The following USP49 variants were observed in gnomAD, a reference collection of about 807,000 sequenced individuals.
The protein encoded by USP49 is ubiquitin carboxyl-terminal hydrolase 49.
In USP49, 24 loss-of-function variants were observed where a neutral mutation model predicts 58.6. The ratio of observed to expected loss-of-function variants is 0.41; its 90% CI spans 0.30 to 0.58. The LOEUF is 0.58. Among genes scored for constraint, USP49 ranks in the 20% least tolerant of loss-of-function variants. The probability of loss-of-function intolerance (pLI) is 0.30; values close to 1 mark genes in which losing one functional copy is unlikely to be tolerated. For synonymous variants in USP49, 408 were observed against 365.1 expected (o/e 1.12, Z -1.34); for missense variants, 703 against 866.1 (o/e 0.81, Z 2.36).
chr6:41,862,763 A>G (rs557777316), intron 3 of USP49, among the ~76,000 whole-genome samples: 1 of 152,146 alleles, frequency 6.6e-6, no homozygotes, highest in South Asian at 2.1e-4. Context: ...TTCACACTTA[A>G]TATTTATTTT....
intron 3 of USP49, among the ~76,000 whole-genome samples, chr6:41,858,887 C>T (rs1438149293): frequency 6.6e-6 from 1 of 152,160 alleles, no homozygotes; most frequent in Non-Finnish European, 1.5e-5. Flanking sequence ...TCATTCTCCC[C>T]ACTAGACGAT....
intron 3 of USP49, among the ~76,000 whole-genome samples, chr6:41,855,459 G>A (rs1774111912): frequency 6.6e-6 from 1 of 150,802 alleles, no homozygotes; most frequent in African/African-American, 2.4e-5. Context: ...AGGTTACAAT[G>A]AGCCGAGATC....
rs1454732244 is a variant in USP49, at chr6:41,805,899, T to A, written c.1085A>T (p.His362Leu). The A allele has an allele frequency of 1.2e-6, 2 of 1,613,870 alleles. No homozygotes were observed. The highest frequency in any genetic ancestry group is 1.7e-6 in the Non-Finnish European group (2 of 1,180,024). The change falls in exon 4 of 8, where the codon CAC (histidine) becomes CTC (leucine). Residue 362 changes from histidine to leucine, a missense_variant. By Grantham distance (99) the His-to-Leu change is moderately conservative. Around this residue, in one of 6 missense-constraint regions of USP49, gnomAD observed 66 missense variants for 116.0 expected, o/e 0.57. Transcript: ENST00000682992. ...GGACCACATGACTCGGAAGAGGGTGTGCAGTTCACGGCAGAGGGAAATGTG... is the reference window on the plus strand; with the variant it reads ...GGACCACATGACTCGGAAGAGGGTGAGCAGTTCACGGCAGAGGGAAATGTG... ...SKHISLCRELHTLFRVMWSGK... is the reference protein window; with the variant it reads ...SKHISLCRELLTLFRVMWSGK...
At chr6:41,844,624 T>C (rs1035718033) in intron 3 of USP49, among the ~76,000 whole-genome samples, 1 of 152,174 alleles carries the variant, frequency 6.6e-6, no homozygotes, top group Non-Finnish European at 1.5e-5. Flanking sequence ...ATGATGGTTT[T>C]GATCAATTTC....
chr6:41,850,041 G>T (rs997579705), intron 3 of USP49, among the ~76,000 whole-genome samples: 26 of 152,158 alleles, frequency 1.7e-4, no homozygotes, highest in African/African-American at 6.0e-4. Context: ...CACAAGAGAA[G>T]TTAGAAAATA....
chr6:41,802,975 A>G (rs1561902898), intron 5 of USP49, among the ~76,000 whole-genome samples: 1 of 152,246 alleles, frequency 6.6e-6, no homozygotes, highest in Non-Finnish European at 1.5e-5. Flanking sequence ...CCACTGAGCA[A>G]TGCACCTTAA....
intron 3 of USP49, among the ~76,000 whole-genome samples, chr6:41,855,268 A>G (rs982103912): frequency 2.6e-5 from 4 of 151,354 alleles, no homozygotes; most frequent in Non-Finnish European, 5.9e-5. Context: ...TAATCTCAGC[A>G]CTTTGGGAGG....
At chr6:41,830,724 G>C (rs2127341365) in intron 3 of USP49, among the ~76,000 whole-genome samples, 1 of 152,114 alleles carries the variant, frequency 6.6e-6, no homozygotes, top group Admixed American at 6.6e-5. Context: ...TCAGGAGGCT[G>C]AAGCAAGAGA....
chr6:41,806,370 G>C lies in USP49; in HGVS notation c.614C>G (p.Pro205Arg), dbSNP rs781750759. The change falls in exon 4 of 8, where the codon CCG (proline) becomes CGG (arginine). Residue 205 changes from proline (P) to arginine (R), a missense_variant. Around this residue, in one of 6 missense-constraint regions of USP49, gnomAD observed 376 missense variants for 373.5 expected, o/e 1.01. Coordinates refer to ENST00000682992, the MANE Select transcript of USP49 (RefSeq NM_001286554.2). This position sits in a 1 kb window ranked among gnomAD's most constrained non-coding sequence, Gnocchi z 5.9. ...CAGGAGCAGCCGTGCACTCTTGCGCGGAGGGGTGCTGGCCAGCTCCTCCAG... is the reference window on the plus strand; with the variant it reads ...CAGGAGCAGCCGTGCACTCTTGCGCCGAGGGGTGCTGGCCAGCTCCTCCAG... ...RLLEELASTPPRKSARLLLHT... is the reference protein window; with the variant it reads ...RLLEELASTPRRKSARLLLHT... 1 of 1,537,956 alleles carries C rather than the reference G, an allele frequency of 6.5e-7. No individual in the cohort carries two copies. The highest frequency in any genetic ancestry group is 8.7e-7 in the Non-Finnish European group (1 of 1,152,974).
chr6:41,839,248 A>T (rs1317275359), intron 3 of USP49, among the ~76,000 whole-genome samples: 1 of 151,842 alleles, frequency 6.6e-6, no homozygotes, highest in Admixed American at 6.6e-5. Context: ...TCTACAAAAA[A>T]TACAAAAATT....
Position 41,799,979 on chromosome 6 carries a change from GT to G in USP49, c.1562-42del, listed in dbSNP as rs780437098. ...AGGTATAAGACATAGGTTGTGAGGA[GT>G]TTTTTCTAGCTATGGCAGAGACAGT... On this transcript the variant is annotated intron_variant, in intron 5 of 7. Coordinates refer to ENST00000682992, the MANE Select transcript of USP49 (RefSeq NM_001286554.2). 12 of 1,562,646 alleles carry G rather than the reference GT, an allele frequency of 7.7e-6. No homozygotes were observed. The South Asian group carries it at 1.1e-4, about 15-fold the overall frequency.
At chr6:41,818,750 A>G (rs547374381) in intron 3 of USP49, among the ~76,000 whole-genome samples, 15 of 152,344 alleles carry the variant, frequency 9.8e-5, no homozygotes, top group Admixed American at 9.8e-4. Flanking sequence ...CTCACAGGCC[A>G]GAATTTTTCT....
Position 41,793,269 on chromosome 6 carries a change from G to GT in USP49, c.*3263dup, listed in dbSNP as rs573593165. On this transcript the variant is annotated 3_prime_UTR_variant, in exon 8 of 8. Coordinates refer to ENST00000682992, the MANE Select transcript of USP49 (RefSeq NM_001286554.2). ...TTTTTTTTTTTTTGTTTTTGTTTTT[G>GT]TTTTTTTTTTAAGACAGAGTCTCGC... The GT allele has an allele frequency of 0.058, 8,575 of 147,824 alleles. 359 individuals are homozygous for GT. Among genetic ancestry groups the GT allele is most frequent in the Admixed American group, 0.13 (1,851 of 14,728 alleles). The allele number at this position is 147,824 out of a possible 1,614,324, so 9.2% of individuals were successfully genotyped here.
intron 3 of USP49, among the ~76,000 whole-genome samples, chr6:41,853,708 C>A (rs1343491597): frequency 6.6e-6 from 1 of 152,024 alleles, no homozygotes; most frequent in Non-Finnish European, 1.5e-5. Context: ...TACTAAGAAG[C>A]AGGGTAGGCC....
In USP49 at chr6:41,790,266, T is replaced by C. The variant is rs1415573502; in HGVS notation, c.*6267A>G. 1 of 152,190 alleles carries C rather than the reference T, an allele frequency of 6.6e-6. No homozygotes were observed. Among genetic ancestry groups the C allele is most frequent in the African/African-American group, 2.4e-5 (1 of 41,442 alleles). The allele number at this position is 152,190 out of a possible 1,614,324, so 9.4% of individuals were successfully genotyped here. A position where few individuals can be genotyped will look rare whatever the true frequency, so the allele number is the denominator to read the frequency against. ...GTGGCAGAAAGAGGGCAGTGATGTGTAGGGGGAGGCAAAGTGAAGTAAGCC... is the reference window on the plus strand; with the variant it reads ...GTGGCAGAAAGAGGGCAGTGATGTGCAGGGGGAGGCAAAGTGAAGTAAGCC... On this transcript the variant is annotated 3_prime_UTR_variant, in exon 8 of 8. Transcript: ENST00000682992.
chr6:41,851,952 CAAAAAAAAAAAAA>C (rs67716441), intron 3 of USP49, among the ~76,000 whole-genome samples: 710 of 54,924 alleles, frequency 0.013, 15 homozygotes, highest in Admixed American at 0.047. Flanking sequence ...AGACTCGTCT[CAAAAAAAAAAAAA>C]AAAAAAAAAA....
Position 41,805,759 on chromosome 6 carries a change from G to A in USP49, c.1225C>T (p.His409Tyr), listed in dbSNP as rs1773103737. ...GACTCGAGTTCCTGCTGCACCTTGT[G>A]CAGCAGCTCGCAGAGAAATTCCTGC... The part of the protein sequence containing the change: ...DAQEFLCELL[H>Y]KVQQELESEG... The change falls in exon 4 of 8, where the codon CAC (histidine) becomes TAC (tyrosine). Residue 409 changes from histidine (H) to tyrosine (Y), a missense_variant. This residue lies in a region of USP49 where 66 missense variants were observed against 116.0 expected (regional missense o/e 0.57). Coordinates refer to ENST00000682992, the MANE Select transcript of USP49 (RefSeq NM_001286554.2). 1 of 1,614,014 alleles carries A rather than the reference G, an allele frequency of 6.2e-7. No homozygotes were observed. Among genetic ancestry groups the A allele is most frequent in the Non-Finnish European group, 8.5e-7 (1 of 1,180,034 alleles).
chr6:41,808,960 C>G (rs1773194485), intron 3 of USP49, among the ~76,000 whole-genome samples: 1 of 151,854 alleles, frequency 6.6e-6, no homozygotes, highest in Admixed American at 6.6e-5. Context: ...GTCACCCAGC[C>G]TGGAGTGCGG....
intron 3 of USP49, among the ~76,000 whole-genome samples, chr6:41,871,032 C>T (rs1425077182): frequency 1.3e-5 from 2 of 151,944 alleles, no homozygotes; most frequent in Non-Finnish European, 2.9e-5. Flanking sequence ...GCCTGGGCAA[C>T]AGAGCAAGAC....
Sources: gnomAD v4.1 joint callset for allele counts (sites outside exome capture counted in the v4.1 genomes callset) on GRCh38, gnomAD v4.1.1 for gene constraint, gnomAD v4.1.1 regional missense constraint, Gnocchi (gnomAD v3.1) non-coding constraint, MANE v1.5 for transcripts, NCBI Gene and HGNC (gene_info 2026-07-23, HGNC 2026-07-21) for gene names.